Variants in RIOK1 observed in about 807,000 individuals in gnomAD.
RIOK1 encodes serine/threonine-protein kinase RIO1.
RIOK1 carries 66 observed loss-of-function variants against 73.5 expected under a neutral mutation model. The observed-to-expected ratio is 0.90, with a 90% CI of 0.74 to 1.10. The LOEUF is 1.10. RIOK1 is among the 50% of genes least tolerant of loss of function. The probability of loss-of-function intolerance (pLI) is 0.00; values close to 1 mark genes in which losing one functional copy is unlikely to be tolerated. For missense variants in RIOK1, 658 were observed against 699.8 expected, an observed-to-expected ratio of 0.94 and a Z score of 0.67; for synonymous variants, 224 against 226.8, an observed-to-expected ratio of 0.99 and a Z score of 0.11.
intron 14 of RIOK1, chr6:7,411,707 AG>A: frequency 2.4e-6 from 1 of 410,238 alleles, no homozygotes. Context: ...ATAGAAGTCT[AG>A]GCTATTAATG....
At position 7,409,626 on chromosome 6, in the gene RIOK1, C is replaced by T. The variant is rs146080770; in HGVS notation, c.1204-760C>T. Among the ~76,000 whole-genome samples, 117 of 151,818 alleles carry T rather than the reference C, an allele frequency of 7.7e-4. 5 individuals carry two copies. The East Asian group carries it at 0.02, about 26-fold the overall frequency. On this transcript the variant is annotated intron_variant, in intron 12 of 16. Coordinates refer to ENST00000379834, the MANE Select transcript of RIOK1 (RefSeq NM_031480.3). ...CAGGCATGAGCCTGTAATTAGACTG[C>T]ACCTGGCCTAATTTTTGTATTTTTA...
At chr6:7,397,322 A>ATTTTTACC (rs1761498709) in intron 4 of RIOK1, among the ~76,000 whole-genome samples, 1 of 152,196 alleles carries the variant, frequency 6.6e-6, no homozygotes, top group Non-Finnish European at 1.5e-5. Flanking sequence ...GTAAAAGTGT[A>ATTTTTACC]ATCTCATGAA....
At chr6:7,417,294 A>G (rs776014329) in intron 16 of RIOK1, 37 bp from the exon 17 acceptor site, 1 of 1,346,760 alleles carries the variant, frequency 7.4e-7, no homozygotes, top group African/African-American at 1.5e-5. Flanking sequence ...CATACTCCAA[A>G]TGAATGAAAG....
intron 12 of RIOK1, among the ~76,000 whole-genome samples, chr6:7,408,951 C>T (rs970851197): frequency 9.2e-5 from 14 of 151,918 alleles, no homozygotes; most frequent in Non-Finnish European, 1.6e-4. Context: ...GAACTCCTGA[C>T]CTCAGGTGAT....
At chr6:7,407,397 G>T (rs957656465) in intron 12 of RIOK1, among the ~76,000 whole-genome samples, 1 of 151,956 alleles carries the variant, frequency 6.6e-6, no homozygotes. Flanking sequence ...TGTTATTATG[G>T]TTTTGGTTTG....
chr6:7,409,284 T>A (rs1206395056), intron 12 of RIOK1, among the ~76,000 whole-genome samples: 2 of 150,878 alleles, frequency 1.3e-5, no homozygotes, highest in African/African-American at 4.9e-5. Flanking sequence ...AGATGGAGTC[T>A]GGCTCTCTCA....
At chr6:7,392,845 A>G in intron 1 of RIOK1, 1 of 800,122 alleles carries the variant, frequency 1.2e-6, no homozygotes, top group Non-Finnish European at 1.5e-6. Flanking sequence ...TTAACAAGGC[A>G]GAAGCAGATT....
chr6:7,414,426 TG>T (rs1761953675), intron 16 of RIOK1, 36 bp downstream of exon 16: 1 of 1,552,574 alleles, frequency 6.4e-7, no homozygotes, highest in Admixed American at 1.9e-5. Flanking sequence ...TTCTTTAGTG[TG>T]GGAGCACAGC....
At chr6:7,400,704 G>A (rs1761590729) in intron 5 of RIOK1, among the ~76,000 whole-genome samples, 1 of 152,138 alleles carries the variant, frequency 6.6e-6, no homozygotes, top group Non-Finnish European at 1.5e-5. Context: ...TGTTTCTCTT[G>A]AACTTGGTTG....
In RIOK1 at chr6:7,413,054, TTTATA is replaced by T. The variant is rs1251300784; in HGVS notation, c.1443+115_1443+119del. 9.1e-5 allele frequency: 48 copies of T among 527,672 alleles called. No individual in the cohort carries two copies. In the African/African-American group the frequency reaches 9.1e-4, roughly 10 times the overall value. The allele number at this position is 527,672 out of a possible 1,614,324, so 32.7% of individuals were successfully genotyped here. Reference sequence around the variant, plus strand: ...TAATATTATTAGAACTAAATGTTATTTTATATTGTTAAAATGTTATAATTGCTTTC... The same window carrying T: ...TAATATTATTAGAACTAAATGTTATTTTGTTAAAATGTTATAATTGCTTTC... On this transcript the variant is annotated intron_variant, in intron 15 of 16. Coordinates refer to ENST00000379834, the MANE Select transcript of RIOK1 (RefSeq NM_031480.3).
intron 8 of RIOK1, 26 bp downstream of exon 8, chr6:7,402,923 C>T (rs1438871235): frequency 5.0e-6 from 8 of 1,599,368 alleles, no homozygotes; most frequent in Non-Finnish European, 6.8e-6. Context: ...GTGTGTATGT[C>T]TGTCCTATGC....
Position 7,403,997 on chromosome 6 carries a change from T to C in RIOK1, c.824T>C (p.Leu275Pro). ...PEPIMLRSHV[L>P]VMSFIGKDDM... ...CCAATAATGCTAAGAAGTCATGTTC[T>C]TGTCATGAGTTTCATCGGTAAAGAT... Residue 275 changes from leucine (L) to proline (P), a missense_variant, in exon 9 of 17, where the codon CTT becomes CCT. Transcript: ENST00000379834. The C allele has an allele frequency of 6.2e-7, 1 of 1,612,142 alleles. No individual in the cohort carries two copies. Among genetic ancestry groups the C allele is most frequent in the Non-Finnish European group, 8.5e-7 (1 of 1,178,654 alleles).
intron 12 of RIOK1, among the ~76,000 whole-genome samples, chr6:7,408,725 C>CT (rs755581840): frequency 0.021 from 2,924 of 142,136 alleles, 40 homozygotes; most frequent in Non-Finnish European, 0.032. Context: ...TTTTCTTTTT[C>CT]TTTTTTTTTT....
chr6:7,389,941 A>T lies in RIOK1; in HGVS notation c.-62A>T. 7.4e-7 allele frequency: 1 copy of T among 1,357,726 alleles called. No individual in the cohort carries two copies. Among genetic ancestry groups the T allele is most frequent in the Non-Finnish European group, 1.0e-6 (1 of 977,148 alleles). The allele number at this position is 1,357,726 out of a possible 1,614,324, so 84.1% of individuals were successfully genotyped here. On this transcript the variant is annotated 5_prime_UTR_variant, in exon 1 of 17. Coordinates refer to ENST00000379834, the MANE Select transcript of RIOK1 (RefSeq NM_031480.3). ...CAAGGCCTTTGGATCGGCCGTGGGT[A>T]CATCCGTCTGAGCCGTTCCTTTCCA...
chr6:7,404,825 C>CTACTT, intron 10 of RIOK1, 93 bp from the exon 11 acceptor site: 1 of 1,108,450 alleles, frequency 9.0e-7, no homozygotes, highest in East Asian at 2.5e-5. Context: ...ATTTTGTGAG[C>CTACTT]TACTTCCCTT....
chr6:7,411,966 G>A (rs1761897015), intron 14 of RIOK1, among the ~76,000 whole-genome samples: 1 of 152,206 alleles, frequency 6.6e-6, no homozygotes, highest in Non-Finnish European at 1.5e-5. Flanking sequence ...TACTAAAGAA[G>A]AGTGGAATTA....
intron 12 of RIOK1, 143 bp from the exon 13 acceptor site, chr6:7,410,243 C>T: frequency 1.6e-6 from 1 of 622,360 alleles, no homozygotes; most frequent in Non-Finnish European, 2.9e-6. Flanking sequence ...CTAACTTGTA[C>T]CATTAGACCT....
rs764411220 is a variant in RIOK1 at position 7,405,274 on chromosome 6, T to C, written c.1122T>C (p.Ala374=). 2.5e-6 allele frequency: 4 copies of C among 1,611,678 alleles called. No homozygotes were observed. Among genetic ancestry groups the C allele is most frequent in the South Asian group, 1.1e-5 (1 of 91,034 alleles). ...VNDFFMRHSV[A]VMTVRELFEF... is the part of the protein sequence containing the mutation. ...ATTTCTTTATGAGGCACAGTGTTGC[T>C]GTCATGACTGTGCGGGAGCTCTTTG... The change falls in exon 12 of 17, where the codon GCT becomes GCC. Residue 374 remains alanine (A), a synonymous_variant. Coordinates refer to ENST00000379834, the MANE Select transcript of RIOK1 (RefSeq NM_031480.3).
At position 7,398,740 on chromosome 6, in the gene RIOK1, G is replaced by A; in HGVS notation, c.480G>A (p.Gln160=). The A allele has an allele frequency of 6.2e-7, 1 of 1,609,382 alleles. No homozygotes were observed. The highest frequency in any genetic ancestry group is 8.5e-7 in the Non-Finnish European group (1 of 1,176,880). Reference sequence around the variant, plus strand: ...AGGCAGACAGAGCAACTGTAGAACAGGTACAATTTAAATGTGTTGCAAACT... The same window carrying A: ...AGGCAGACAGAGCAACTGTAGAACAAGTACAATTTAAATGTGTTGCAAACT... ...KDKADRATVE[Q]VLDPRTRMIL... is the part of the protein sequence containing the mutation. Residue 160 remains glutamine (Q), a splice_region_variant and synonymous_variant, in exon 5 of 17, where the codon CAG becomes CAA. Coordinates refer to ENST00000379834, the MANE Select transcript of RIOK1 (RefSeq NM_031480.3).
Sources: gnomAD v4.1 joint callset for allele counts (sites outside exome capture counted in the v4.1 genomes callset) on GRCh38, gnomAD v4.1.1 for gene constraint, MANE v1.5 for transcripts, NCBI Gene and HGNC (gene_info 2026-07-23, HGNC 2026-07-21) for gene names.